ERCC5: variants seen among roughly 807,000 people sequenced by gnomAD.
ERCC5 encodes ERCC excision repair 5, endonuclease.
In ERCC5, 68 loss-of-function variants were observed where a neutral mutation model predicts 105.6. That is an observed-to-expected ratio of 0.64 (90% CI 0.53 to 0.79). The LOEUF (loss-of-function observed/expected upper bound fraction) is 0.79. Among genes scored for constraint, ERCC5 ranks in the 30% least tolerant of loss-of-function variants. ERCC5 has a pLI of 0.00. For missense variants in ERCC5, 1,373 were observed against 1,426.7 expected, an observed-to-expected ratio of 0.96 and a Z score of 0.61; for synonymous variants, 546 against 526.2, an observed-to-expected ratio of 1.04 and a Z score of -0.51.
At chr13:102,872,719 C>G (rs1349966598) in intron 13 of ERCC5, among the ~76,000 whole-genome samples, 3 of 152,214 alleles carry the variant, frequency 2.0e-5, no homozygotes, top group Non-Finnish European at 4.4e-5. Flanking sequence ...GCCACTGCAT[C>G]TGGCCCCTCT....
rs1431255660 is a variant in ERCC5, at chr13:102,865,757, A to T, written c.2045A>T (p.Glu682Val). Residue 682 changes from glutamate (E) to valine (V), a missense_variant, in exon 9 of 15, where the codon GAA becomes GTA. Glu to Val is a moderately radical substitution (Grantham distance 121). Around this residue, in one of 3 missense-constraint regions of ERCC5, gnomAD observed 1,004 missense variants for 1,059.7 expected, o/e 0.95. Coordinates refer to ENST00000652225, the MANE Select transcript of ERCC5 (RefSeq NM_000123.4). This position sits in a 1 kb window ranked among gnomAD's most constrained non-coding sequence, Gnocchi z 4.0. The stretch of plus-strand genomic sequence containing the variant: ...TCCAAACCTCCCTCAGAACAAGGCG[A>T]AGAGGAACTGGTAGGAACTAGGGAG... ...ETSKPPSEQG[E>V]EELVGTREGE... is the part of the protein sequence containing the mutation. The T allele has an allele frequency of 6.2e-7, 1 of 1,614,114 alleles. No individual in the cohort carries two copies. The highest frequency in any genetic ancestry group is 8.5e-7 in the Non-Finnish European group (1 of 1,179,984).
Position 102,872,353 on chromosome 13 carries a change from AG to A in ERCC5, c.2837del (p.Gly946AspfsTer36). 1 of 1,614,214 alleles carries A rather than the reference AG, an allele frequency of 6.2e-7. No individual in the cohort carries two copies. Among genetic ancestry groups the A allele is most frequent in the Non-Finnish European group, 8.5e-7 (1 of 1,180,038 alleles). ...AYLKPVVDDS[K>X]GSFLWGKPDL... is the part of the protein sequence containing the mutation. ...CTCAAACCCGTGGTGGATGACTCGA[AG>A]GGATCCTTTCTGTGGGGGAAACCTG... is the stretch of plus-strand genomic sequence containing the variant. On this transcript the variant is annotated frameshift_variant, in exon 13 of 15. Transcript: ENST00000652225. LOFTEE classifies it high-confidence loss of function.
In ERCC5 at chr13:102,846,126, C is replaced by T; in HGVS notation, c.-141C>T. ...TTAGTGCCGTCCCCCACTGGAAAAC[C>T]GTGGCTTCTGTATTATTTGCCATCT... On this transcript the variant is annotated 5_prime_UTR_variant, in exon 1 of 15. Transcript: ENST00000652225. The T allele has an allele frequency of 1.5e-6, 1 of 665,358 alleles. No homozygotes were observed. The highest frequency in any genetic ancestry group is 1.8e-5 in the South Asian group (1 of 55,422). The allele number at this position is 665,358 out of a possible 1,614,324, so 41.2% of individuals were successfully genotyped here.
In ERCC5 at chr13:102,853,737, T is replaced by TA. The variant is rs1385064560; in HGVS notation, c.265-19dup. 1.9e-6 allele frequency: 3 copies of TA among 1,609,324 alleles called. No homozygotes were observed. Among genetic ancestry groups the TA allele is most frequent in the Non-Finnish European group, 1.7e-6 (2 of 1,176,174 alleles). On this transcript the variant is annotated intron_variant, in intron 2 of 14. Coordinates refer to ENST00000652225, the MANE Select transcript of ERCC5 (RefSeq NM_000123.4). ...GGTCTAATATCCTGAAGTGAGATCT[T>TA]ACATCCTTTCTTCTCATAGGTGAAG... is the stretch of plus-strand genomic sequence containing the variant.
chr13:102,846,308 G>C lies in ERCC5; in HGVS notation c.42G>C (p.Gly14=). 1 of 1,614,074 alleles carries C rather than the reference G, an allele frequency of 6.2e-7. No individual in the cohort carries two copies. The highest frequency in any genetic ancestry group is 8.5e-7 in the Non-Finnish European group (1 of 1,180,006). ...QGLWKLLECS[G]RQVSPEALEG... ...TCTGGAAGCTGCTGGAGTGCTCCGG[G>C]CGGCAGGTCAGCCCCGAAGCGCTGG... The change falls in exon 1 of 15, where the codon GGG becomes GGC. Residue 14 remains glycine (G), a synonymous_variant. Coordinates refer to ENST00000652225, the MANE Select transcript of ERCC5 (RefSeq NM_000123.4).
At position 102,872,450 on chromosome 13, in the gene ERCC5, G is replaced by T. The variant is rs777844045; in HGVS notation, c.2879+52G>T. 11 of 1,597,482 alleles carry T rather than the reference G, an allele frequency of 6.9e-6. No homozygotes were observed. In the South Asian group the frequency reaches 1.1e-4, roughly 16 times the overall value. On this transcript the variant is annotated intron_variant, in intron 13 of 14. Coordinates refer to ENST00000652225, the MANE Select transcript of ERCC5 (RefSeq NM_000123.4). ...GAAACACCTTGTCAAATATGTGTTT[G>T]GTTTAAAACTTATGGAAGAGAAACT...
intron 7 of ERCC5, 89 bp from the exon 8 acceptor site, chr13:102,861,941 G>A: frequency 6.6e-7 from 1 of 1,520,292 alleles, no homozygotes; most frequent in Non-Finnish European, 9.1e-7. Context: ...ACTTATTTAT[G>A]AGAACCAGTG....
In ERCC5 at chr13:102,875,582, A is replaced by C; in HGVS notation, c.3240A>C (p.Gly1080=). 1 of 1,612,966 alleles carries C rather than the reference A, an allele frequency of 6.2e-7. No homozygotes were observed. Among genetic ancestry groups the C allele is most frequent in the Non-Finnish European group, 8.5e-7 (1 of 1,179,582 alleles). ...LKRKRLSDSK[G]KNTCGGFLGE... Reference sequence around the variant, plus strand: ...GAAAGAGGCTTTCAGATTCTAAAGGAAAGAATACATGCGGTGGATTTTTGG... The same window carrying C: ...GAAAGAGGCTTTCAGATTCTAAAGGCAAGAATACATGCGGTGGATTTTTGG... Residue 1080 remains glycine (G), a synonymous_variant, in exon 15 of 15, where the codon GGA becomes GGC. Transcript: ENST00000652225.
rs776091272 is a variant in ERCC5 at position 102,875,588 on chromosome 13, T to C, written c.3246T>C (p.Asn1082=). 13 of 1,613,452 alleles carry C rather than the reference T, an allele frequency of 8.1e-6. No individual in the cohort carries two copies. The highest frequency in any genetic ancestry group is 1.0e-5 in the Non-Finnish European group (12 of 1,179,768). The change falls in exon 15 of 15, where the codon AAT becomes AAC. Residue 1082 remains asparagine, a synonymous_variant. Coordinates refer to ENST00000652225, the MANE Select transcript of ERCC5 (RefSeq NM_000123.4). The stretch of plus-strand genomic sequence containing the variant: ...GGCTTTCAGATTCTAAAGGAAAGAA[T>C]ACATGCGGTGGATTTTTGGGGGAGA... The part of the protein sequence containing the change: ...RKRLSDSKGK[N]TCGGFLGETC...
intron 1 of ERCC5, among the ~76,000 whole-genome samples, chr13:102,847,538 C>T (rs980973252): frequency 6.6e-6 from 1 of 152,044 alleles, no homozygotes; most frequent in Non-Finnish European, 1.5e-5. Context: ...AATAAAACGA[C>T]ATTGATAAGT....
chr13:102,857,833 C>G (rs1882480799), intron 5 of ERCC5, among the ~76,000 whole-genome samples: 1 of 152,182 alleles, frequency 6.6e-6, no homozygotes, highest in African/African-American at 2.4e-5. Context: ...GTGGGGTCTT[C>G]TTTATCTATC....
At chr13:102,850,182 T>G (rs1882152677) in intron 1 of ERCC5, among the ~76,000 whole-genome samples, 1 of 152,160 alleles carries the variant, frequency 6.6e-6, no homozygotes. Flanking sequence ...CGCCTTGGCC[T>G]CCCAAAGTGC....
chr13:102,862,114 A>C lies in ERCC5; in HGVS notation c.965A>C (p.Lys322Thr). 1 of 1,614,228 alleles carries C rather than the reference A, an allele frequency of 6.2e-7. No homozygotes were observed. The highest frequency in any genetic ancestry group is 8.5e-7 in the Non-Finnish European group (1 of 1,180,042). Residue 322 changes from lysine (K) to threonine (T), a missense_variant, in exon 8 of 15, where the codon AAG (lysine) becomes ACG (threonine). Around this residue, in one of 3 missense-constraint regions of ERCC5, gnomAD observed 1,004 missense variants for 1,059.7 expected, o/e 0.95. Transcript: ENST00000652225. Reference sequence around the variant, plus strand: ...ATGCACGGCATGTCTTTTGACGTGAAGTCATCTCCATGTGAAAAACTGAAG... The same window carrying C: ...ATGCACGGCATGTCTTTTGACGTGACGTCATCTCCATGTGAAAAACTGAAG... ...SKMHGMSFDV[K>T]SSPCEKLKTE...
In ERCC5 at chr13:102,863,084, G is replaced by A. The variant is rs777448812; in HGVS notation, c.1935G>A (p.Ser645=). 8.1e-6 allele frequency: 13 copies of A among 1,613,758 alleles called. No individual in the cohort carries two copies. Among genetic ancestry groups the A allele is most frequent in the Middle Eastern group, 1.6e-4 (1 of 6,062 alleles). ...PKAVEPMEID[S]EESESDGSFI... ...CCGTGGAACCAATGGAAATTGACTC[G>A]GAAGAAAGTGAATCTGATGGTACGT... The change falls in exon 8 of 15, where the codon TCG becomes TCA. Residue 645 remains serine (S), a synonymous_variant. Coordinates refer to ENST00000652225, the MANE Select transcript of ERCC5 (RefSeq NM_000123.4).
chr13:102,861,557 C>T lies in ERCC5; in HGVS notation c.723C>T (p.Asn241=). 2 of 1,614,102 alleles carry T rather than the reference C, an allele frequency of 1.2e-6. No individual in the cohort carries two copies. Among genetic ancestry groups the T allele is most frequent in the East Asian group, 2.2e-5 (1 of 44,866 alleles). ...AACTCAAAGGCTTGCTTAAAAAGAA[C>T]TATCTGAACCAGCATATAGAACATG... ...QYQLKGLLKK[N]YLNQHIEHVQ... The change falls in exon 7 of 15, where the codon AAC becomes AAT. Residue 241 remains asparagine, a synonymous_variant. Coordinates refer to ENST00000652225, the MANE Select transcript of ERCC5 (RefSeq NM_000123.4).
chr13:102,866,143 G>A, intron 9 of ERCC5, 119 bp from the exon 10 acceptor site: 1 of 1,508,564 alleles, frequency 6.6e-7, no homozygotes, highest in Non-Finnish European at 9.1e-7. Context: ...ATCCAGTGGA[G>A]TACTTCCTAA....
At position 102,847,850 on chromosome 13, in the gene ERCC5, C is replaced by T. The variant is rs758555236; in HGVS notation, c.88+1496C>T. The stretch of plus-strand genomic sequence containing the variant: ...GATTTAGATCATTTTATGTAGCAGC[C>T]CTTGTGAAGAATTACTAAAGAGGAC... On this transcript the variant is annotated intron_variant, in intron 1 of 14. Coordinates refer to ENST00000652225, the MANE Select transcript of ERCC5 (RefSeq NM_000123.4). 5.2e-4 allele frequency among the ~76,000 whole-genome samples: 79 copies of T among 152,142 alleles called. 1 individual carries two copies. The highest frequency in any genetic ancestry group is 2.9e-4 in the Non-Finnish European group (20 of 68,036).
chr13:102,862,627 T>G lies in ERCC5; in HGVS notation c.1478T>G (p.Met493Arg). The G allele has an allele frequency of 6.2e-7, 1 of 1,614,076 alleles. No homozygotes were observed. The highest frequency in any genetic ancestry group is 8.5e-7 in the Non-Finnish European group (1 of 1,180,000). Residue 493 changes from methionine to arginine, a missense_variant, in exon 8 of 15, where the codon ATG (methionine) becomes AGG (arginine). Transcript: ENST00000652225. ...GCCTTTCCGATAAGTGATGAGTCTA[T>G]GATTAAGGACAGAAAAGATCGGCTG... ...TEAFPISDES[M>R]IKDRKDRLPL...
At chr13:102,869,242 T>G (rs1413698794) in intron 12 of ERCC5, among the ~76,000 whole-genome samples, 1 of 152,230 alleles carries the variant, frequency 6.6e-6, no homozygotes, top group African/African-American at 2.4e-5. Context: ...TTTTATACTT[T>G]CTTCATTTAT....
Sources: gnomAD v4.1 joint callset for allele counts (sites outside exome capture counted in the v4.1 genomes callset) on GRCh38, gnomAD v4.1.1 for gene constraint, gnomAD v4.1.1 regional missense constraint, Gnocchi (gnomAD v3.1) non-coding constraint, MANE v1.5 for transcripts, NCBI Gene and HGNC (gene_info 2026-07-23, HGNC 2026-07-21) for gene names.